Variants in CAMK2B observed in about 807,000 individuals in gnomAD.
The protein encoded by CAMK2B is calcium/calmodulin dependent protein kinase II beta, also known as calcium/calmodulin-dependent protein kinase type II subunit beta.
A neutral mutation model predicts 93.7 loss-of-function variants in CAMK2B; 27 were observed. The observed-to-expected ratio is 0.29, with a 90% confidence interval of 0.21 to 0.40. CAMK2B has a LOEUF of 0.40. Among genes scored for constraint, CAMK2B ranks in the 10% least tolerant of loss-of-function variants. The probability of loss-of-function intolerance (pLI) is 1.00; values close to 1 mark genes in which losing one functional copy is unlikely to be tolerated. For missense variants in CAMK2B, 568 were observed against 895.8 expected (o/e 0.63, Z 4.67); for synonymous variants, 374 against 358.8 (o/e 1.04, Z -0.48).
At chr7:44,283,733 C>T (rs1784339306) in intron 2 of CAMK2B, among the ~76,000 whole-genome samples, 2 of 152,354 alleles carry the variant, frequency 1.3e-5, no homozygotes, top group Middle Eastern at 3.4e-3. Flanking sequence ...GATGACACCA[C>T]CCAACCACCA....
chr7:44,232,736 C>T (rs1414304159), intron 16 of CAMK2B, 86 bp downstream of exon 16: 2 of 1,375,612 alleles, frequency 1.5e-6, no homozygotes, highest in African/African-American at 1.4e-5. Flanking sequence ...CTGCCCTCCA[C>T]TCTGGCACAA....
intron 1 of CAMK2B, among the ~76,000 whole-genome samples, chr7:44,315,658 T>C (rs1010103988): frequency 3.9e-5 from 6 of 152,222 alleles, no homozygotes; most frequent in South Asian, 2.1e-4. Context: ...ATTTGGAGTA[T>C]ACTACTATTT....
intron 6 of CAMK2B, 32 bp from the exon 7 acceptor site, chr7:44,243,559 G>A (rs770667020): frequency 1.9e-6 from 3 of 1,582,794 alleles, no homozygotes; most frequent in Non-Finnish European, 2.6e-6. Flanking sequence ...AAGGGTGCAT[G>A]TTGTTTAAAC....
In CAMK2B at chr7:44,325,403, A is replaced by G; in HGVS notation, c.19T>C (p.Cys7Arg). 1.7e-6 allele frequency: 2 copies of G among 1,205,486 alleles called. No homozygotes were observed. Among genetic ancestry groups the G allele is most frequent in the Non-Finnish European group, 2.1e-6 (2 of 945,154 alleles). The allele number at this position is 1,205,486 out of a possible 1,614,324, so 74.7% of individuals were successfully genotyped here. A position where few individuals can be genotyped will look rare whatever the true frequency, so the allele number is the denominator to read the frequency against. MATTVT[C>R]TRFTDEYQLY... ...TGGTACTCGTCGGTGAAGCGGGTGCAGGTCACCGTGGTGGCCATGGCGGCG... is the reference window on the plus strand; with the variant it reads ...TGGTACTCGTCGGTGAAGCGGGTGCGGGTCACCGTGGTGGCCATGGCGGCG... Residue 7 changes from cysteine (C) to arginine (R), a missense_variant, in exon 1 of 24, where the codon TGC (cysteine) becomes CGC (arginine). This residue lies in a region of CAMK2B where 39 missense variants were observed against 43.4 expected (regional missense o/e 0.90). Coordinates refer to ENST00000395749, the MANE Select transcript of CAMK2B (RefSeq NM_001220.5).
chr7:44,303,429 G>T (rs1790639595), intron 1 of CAMK2B, among the ~76,000 whole-genome samples: 2 of 152,190 alleles, frequency 1.3e-5, no homozygotes, highest in South Asian at 4.2e-4. Context: ...AGAGTCAAAA[G>T]ATACATAATA....
chr7:44,318,639 C>A (rs1186247070), intron 1 of CAMK2B, among the ~76,000 whole-genome samples: 1 of 152,258 alleles, frequency 6.6e-6, no homozygotes, highest in Non-Finnish European at 1.5e-5. Flanking sequence ...GTAAGGGCGA[C>A]AGCAGCTCCT....
Position 44,225,784 on chromosome 7 carries a change from C to G in CAMK2B, c.1597+732G>C, listed in dbSNP as rs776040768. 7.8e-7 allele frequency: 1 copy of G among 1,289,512 alleles called. No homozygotes were observed. The highest frequency in any genetic ancestry group is 5.5e-5 in the East Asian group (1 of 18,020). The allele number at this position is 1,289,512 out of a possible 1,614,324, so 79.9% of individuals were successfully genotyped here. On this transcript the variant is annotated intron_variant, in intron 20 of 23. Transcript: ENST00000395749. This position sits in a 1 kb window ranked among gnomAD's most constrained non-coding sequence, Gnocchi z 5.0. ...TTACCTAGCCACTGCCCTGCCATGC[C>G]GAGCCCGTGGCCCAGCAGCCTCTTC...
chr7:44,307,148 C>A (rs1584842304), intron 1 of CAMK2B, among the ~76,000 whole-genome samples: 2 of 91,954 alleles, frequency 2.2e-5, no homozygotes, highest in African/African-American at 9.1e-5. Context: ...AGGGTGTGAG[C>A]AGAGGGAGGA....
chr7:44,324,318 C>T (rs1796916911), intron 1 of CAMK2B, among the ~76,000 whole-genome samples: 1 of 152,146 alleles, frequency 6.6e-6, no homozygotes, highest in Non-Finnish European at 1.5e-5. Context: ...TGGGGGAGGA[C>T]GCAGGAGGAT....
At position 44,248,060 on chromosome 7, in the gene CAMK2B, C is replaced by G. The variant is rs2096748121; in HGVS notation, c.342-868G>C. On this transcript the variant is annotated intron_variant, in intron 5 of 23. Coordinates refer to ENST00000395749, the MANE Select transcript of CAMK2B (RefSeq NM_001220.5). The surrounding 1 kb of genome is among the most constrained non-coding windows in gnomAD (Gnocchi z 4.1). Reference sequence around the variant, plus strand: ...AAAAAAATAAAAAGTGAAACCCAAGCTGCCACATTGGCTGGTGGCTGCCGT... The same window carrying G: ...AAAAAAATAAAAAGTGAAACCCAAGGTGCCACATTGGCTGGTGGCTGCCGT... 6.6e-6 allele frequency among the ~76,000 whole-genome samples: 1 copy of G among 152,172 alleles called. No individual in the cohort carries two copies. Among genetic ancestry groups the G allele is most frequent in the Non-Finnish European group, 1.5e-5 (1 of 68,038 alleles).
intron 5 of CAMK2B, among the ~76,000 whole-genome samples, chr7:44,249,788 C>T (rs1415723355): frequency 6.6e-6 from 1 of 152,180 alleles, no homozygotes; most frequent in Admixed American, 6.5e-5. Flanking sequence ...CTCAGACTTA[C>T]TGAGTCCTGG....
At chr7:44,279,123 G>T (rs2097079963) in intron 2 of CAMK2B, among the ~76,000 whole-genome samples, 1 of 152,206 alleles carries the variant, frequency 6.6e-6, no homozygotes. Flanking sequence ...CCATTTTTCA[G>T]AATGATAAAG....
intron 1 of CAMK2B, among the ~76,000 whole-genome samples, chr7:44,318,650 G>C (rs529922592): frequency 3.3e-5 from 5 of 152,338 alleles, no homozygotes; most frequent in African/African-American, 1.2e-4. Flanking sequence ...AGCAGCTCCT[G>C]CCCTCCAGGC....
At chr7:44,223,669 T>C (rs2096440431) in intron 20 of CAMK2B, among the ~76,000 whole-genome samples, 1 of 146,698 alleles carries the variant, frequency 6.8e-6, no homozygotes, top group Admixed American at 6.9e-5. Context: ...GCCTCATGCC[T>C]CCACTTTCAC....
Position 44,220,807 on chromosome 7 carries a change from C to T in CAMK2B, c.1673+19G>A, listed in dbSNP as rs377748772. On this transcript the variant is annotated intron_variant, in intron 21 of 23. Transcript: ENST00000395749. ...ACATCCTTGTCCTGCACAGCCCCCCCCCAGCCCCAGGGACTCACGCGTAGG... is the reference window on the plus strand; with the variant it reads ...ACATCCTTGTCCTGCACAGCCCCCCTCCAGCCCCAGGGACTCACGCGTAGG... The T allele has an allele frequency of 2.0e-5, 31 of 1,561,222 alleles. No individual in the cohort carries two copies. The highest frequency in any genetic ancestry group is 1.7e-4 in the Middle Eastern group (1 of 6,022).
intron 1 of CAMK2B, 153 bp downstream of exon 1, chr7:44,325,204 G>C (rs1185539802): frequency 2.1e-5 from 5 of 241,476 alleles, no homozygotes; most frequent in African/African-American, 9.4e-5. Flanking sequence ...CTCGCGGGTC[G>C]GGGCCGCGCG....
chr7:44,242,088 C>T, intron 10 of CAMK2B, 130 bp downstream of exon 10: 2 of 1,101,954 alleles, frequency 1.8e-6, no homozygotes, highest in Non-Finnish European at 1.3e-6. Context: ...CCACAAGGAG[C>T]ACCCAGGGGA....
intron 1 of CAMK2B, among the ~76,000 whole-genome samples, chr7:44,293,512 C>A (rs765749581): frequency 1.3e-5 from 2 of 152,186 alleles, no homozygotes; most frequent in Non-Finnish European, 2.9e-5. Flanking sequence ...CAGTGGTCCC[C>A]AGCCTTTTTG....
chr7:44,226,165 T>C (rs2096474735), intron 20 of CAMK2B, among the ~76,000 whole-genome samples: 1 of 152,196 alleles, frequency 6.6e-6, no homozygotes, highest in South Asian at 2.1e-4. Flanking sequence ...CAGCAGCTCC[T>C]GGCGTGCTAG....
Sources: allele counts gnomAD v4.1 joint callset (sites outside exome capture counted in the v4.1 genomes callset), GRCh38; gene constraint gnomAD v4.1.1; regional missense constraint gnomAD v4.1.1; non-coding constraint Gnocchi (gnomAD v3.1); transcripts MANE v1.5; gene names NCBI Gene and HGNC (gene_info 2026-07-23, HGNC 2026-07-21).